Variants in OR2M3 observed in about 807,000 individuals in gnomAD.
The protein encoded by OR2M3 is olfactory receptor 2M3.
OR2M3 carries 1 observed loss-of-function variant against 4.3 expected under a neutral mutation model. The ratio of observed to expected loss-of-function variants is 0.23; its 90% CI spans 0.08 to 1.11. The LOEUF is 1.11. Ranked by LOEUF, OR2M3 falls within the 50% of genes most tolerant of loss-of-function variation. The pLI, the probability that OR2M3 is intolerant of heterozygous loss-of-function variation, is 0.54. For missense variants in OR2M3, 410 were observed against 390.4 expected, an observed-to-expected ratio of 1.05 and a Z score of -0.42; for synonymous variants, 151 against 139.4, an observed-to-expected ratio of 1.08 and a Z score of -0.59.
intron 1 of OR2M3, among the ~76,000 whole-genome samples, chr1:248,197,582 A>G (rs551786576): frequency 6.6e-6 from 1 of 152,274 alleles, no homozygotes; most frequent in East Asian, 1.9e-4. Flanking sequence ...TCCAGATTTG[A>G]AAAAGAAATT....
rs1283367581 is a variant in OR2M3, at chr1:248,203,063, A to T, written c.-5A>T. On this transcript the variant is annotated 5_prime_UTR_variant, in exon 2 of 2. Coordinates refer to ENST00000641626, the MANE Select transcript of OR2M3 (RefSeq NM_001004689.2). ...TTGTGGTACTAGGTAAAAAGCATACACATCATGGCAAGGGAGAATTCGACC... is the reference window on the plus strand; with the variant it reads ...TTGTGGTACTAGGTAAAAAGCATACTCATCATGGCAAGGGAGAATTCGACC... 6.2e-7 allele frequency: 1 copy of T among 1,607,864 alleles called. No homozygotes were observed.
intron 1 of OR2M3, among the ~76,000 whole-genome samples, chr1:248,202,393 T>C (rs1666167735): frequency 6.6e-6 from 1 of 152,176 alleles, no homozygotes; most frequent in Non-Finnish European, 1.5e-5. Flanking sequence ...GTTACACTCT[T>C]TATGTATTTC....
chr1:248,197,808 C>T (rs962117946), intron 1 of OR2M3, among the ~76,000 whole-genome samples: 1 of 152,128 alleles, frequency 6.6e-6, no homozygotes. Context: ...GGTTCACAAA[C>T]TTTCTCCCAT....
rs945414722 is a variant in OR2M3 at position 248,204,667 on chromosome 1, C to T, written c.*661C>T. The stretch of plus-strand genomic sequence containing the variant: ...TACACACACACATATATATATATAA[C>T]CTTTTCTTTATCCACTCGTTGATTG... On this transcript the variant is annotated 3_prime_UTR_variant, in exon 2 of 2. Transcript: ENST00000641626. 4 of 149,696 alleles carry T rather than the reference C, an allele frequency of 2.7e-5. No individual in the cohort carries two copies. Among genetic ancestry groups the T allele is most frequent in the African/African-American group, 9.9e-5 (4 of 40,236 alleles). 9.3% of individuals were successfully genotyped at this position (149,696 alleles called of 1,614,324 possible). A position where few individuals can be genotyped will look rare whatever the true frequency, so the allele number is the denominator to read the frequency against.
chr1:248,202,110 G>T (rs1012812519), intron 1 of OR2M3, among the ~76,000 whole-genome samples: 1 of 152,130 alleles, frequency 6.6e-6, no homozygotes, highest in African/African-American at 2.4e-5. Context: ...AGTTTTGGAG[G>T]CTAGAAATCT....
In OR2M3 at chr1:248,204,611, A is replaced by G. The variant is rs1666204539; in HGVS notation, c.*605A>G. On this transcript the variant is annotated 3_prime_UTR_variant, in exon 2 of 2. Transcript: ENST00000641626. ...GAGTAGTATTCCATGGTATGTGTGT[A>G]TATAGATATATATATATATACGTAT... 6.6e-6 allele frequency: 1 copy of G among 150,830 alleles called. No individual in the cohort carries two copies. Among genetic ancestry groups the G allele is most frequent in the African/African-American group, 2.5e-5 (1 of 40,248 alleles). 9.3% of individuals were successfully genotyped at this position (150,830 alleles called of 1,614,324 possible).
chr1:248,197,834 A>C (rs991497024), intron 1 of OR2M3, among the ~76,000 whole-genome samples: 17 of 152,146 alleles, frequency 1.1e-4, no homozygotes, highest in African/African-American at 4.1e-4. Flanking sequence ...AAATTGTTTT[A>C]AAATACTGCA....
intron 1 of OR2M3, among the ~76,000 whole-genome samples, chr1:248,198,380 C>G (rs1185529502): frequency 6.6e-6 from 1 of 152,134 alleles, no homozygotes; most frequent in African/African-American, 2.4e-5. Context: ...AATGCTACTT[C>G]TTGTAGTTAT....
intron 1 of OR2M3, among the ~76,000 whole-genome samples, chr1:248,201,928 G>C (rs1009561921): frequency 6.6e-6 from 1 of 152,104 alleles, no homozygotes. Flanking sequence ...TGGTCAACAC[G>C]TAGCCAGGCT....
Position 248,203,967 on chromosome 1 carries a change from A to G in OR2M3, c.900A>G (p.Ala300=), listed in dbSNP as rs767375673. The G allele has an allele frequency of 6.2e-7, 1 of 1,613,954 alleles. No homozygotes were observed. The highest frequency in any genetic ancestry group is 8.5e-7 in the Non-Finnish European group (1 of 1,179,912). Residue 300 remains alanine (A), a synonymous_variant, in exon 2 of 2, where the codon GCA becomes GCG. Transcript: ENST00000641626. The stretch of plus-strand genomic sequence containing the variant: ...TCCGCAACAAGGAGGTGACCAGAGC[A>G]TTCATGAAGATCTTAGGAAAGGGCA... ...YSLRNKEVTR[A]FMKILGKGKS...
Position 248,207,909 on chromosome 1 carries a change from G to A in OR2M3, c.*3903G>A, listed in dbSNP as rs1666240469. 6.6e-6 allele frequency: 1 copy of A among 151,906 alleles called. No individual in the cohort carries two copies. Among genetic ancestry groups the A allele is most frequent in the Non-Finnish European group, 1.5e-5 (1 of 67,942 alleles). 9.4% of individuals were successfully genotyped at this position (151,906 alleles called of 1,614,324 possible). A position where few individuals can be genotyped will look rare whatever the true frequency, so the allele number is the denominator to read the frequency against. ...TGTCTAGTGCTCTCAGTGGAGTATT[G>A]AAGTCCCCCACTATTATTGCATTGT... is the stretch of plus-strand genomic sequence containing the variant. On this transcript the variant is annotated 3_prime_UTR_variant, in exon 2 of 2. Coordinates refer to ENST00000641626, the MANE Select transcript of OR2M3 (RefSeq NM_001004689.2).
chr1:248,198,929 G>A (rs1666127007), intron 1 of OR2M3, among the ~76,000 whole-genome samples: 2 of 150,396 alleles, frequency 1.3e-5, no homozygotes, highest in Admixed American at 6.6e-5. Flanking sequence ...CCCTGGGTAT[G>A]TGCAAATGTC....
chr1:248,198,571 T>G (rs932801893), intron 1 of OR2M3, among the ~76,000 whole-genome samples: 5 of 152,178 alleles, frequency 3.3e-5, no homozygotes, highest in African/African-American at 9.7e-5. Flanking sequence ...GGATTACACA[T>G]GCTGTCTGAT....
At chr1:248,199,355 A>G (rs1307748469) in intron 1 of OR2M3, among the ~76,000 whole-genome samples, 1 of 152,114 alleles carries the variant, frequency 6.6e-6, no homozygotes, top group African/African-American at 2.4e-5. Context: ...TCCTCTTAAT[A>G]CAGTGCTGCA....
rs1185420478 is a variant in OR2M3 at position 248,210,266 on chromosome 1, CCT to C, written c.*6265_*6266del. ...CTGAGAATTTGCCCCAGACCATGAGCCTCTCTGTTGAGAAAGCAAACAGACTC... is the reference window on the plus strand; with the variant it reads ...CTGAGAATTTGCCCCAGACCATGAGCCTCTGTTGAGAAAGCAAACAGACTC... On this transcript the variant is annotated 3_prime_UTR_variant, in exon 2 of 2. Coordinates refer to ENST00000641626, the MANE Select transcript of OR2M3 (RefSeq NM_001004689.2). 1 of 152,314 alleles carries C rather than the reference CCT, an allele frequency of 6.6e-6. No individual in the cohort carries two copies. The highest frequency in any genetic ancestry group is 1.5e-5 in the Non-Finnish European group (1 of 68,178). The allele number at this position is 152,314 out of a possible 1,614,324, so 9.4% of individuals were successfully genotyped here.
In OR2M3 at chr1:248,206,850, C is replaced by T; in HGVS notation, c.*2844C>T. On this transcript the variant is annotated 3_prime_UTR_variant, in exon 2 of 2. Transcript: ENST00000641626. ...CCACAGAATGATTTACAAAGGATTC[C>T]CTCTTTATCCTTTGGAATAGTGTCA... 6.6e-6 allele frequency: 1 copy of T among 151,850 alleles called. No homozygotes were observed. Among genetic ancestry groups the T allele is most frequent in the East Asian group, 1.9e-4 (1 of 5,190 alleles). 9.4% of individuals were successfully genotyped at this position (151,850 alleles called of 1,614,324 possible). A position where few individuals can be genotyped will look rare whatever the true frequency, so the allele number is the denominator to read the frequency against.
intron 1 of OR2M3, among the ~76,000 whole-genome samples, chr1:248,202,765 T>A (rs966130969): frequency 1.2e-4 from 18 of 148,188 alleles, no homozygotes; most frequent in African/African-American, 2.0e-4. Flanking sequence ...TTGGAGACTT[T>A]AAAAAAAAAA....
rs1043065866 is a variant in OR2M3, at chr1:248,205,287, T to G, written c.*1281T>G. On this transcript the variant is annotated 3_prime_UTR_variant, in exon 2 of 2. Transcript: ENST00000641626. ...GTTCCTTTTGCAGTGCAAAAGGTCT[T>G]TAGTTTAATTAGTTCCCAGCTATTT... The G allele has an allele frequency of 1.3e-5, 2 of 152,130 alleles. No homozygotes were observed. The highest frequency in any genetic ancestry group is 1.3e-4 in the Admixed American group (2 of 15,256). The allele number at this position is 152,130 out of a possible 1,614,324, so 9.4% of individuals were successfully genotyped here. A position where few individuals can be genotyped will look rare whatever the true frequency, so the allele number is the denominator to read the frequency against.
In OR2M3 at chr1:248,205,701, A is replaced by T. The variant is rs1028863265; in HGVS notation, c.*1695A>T. On this transcript the variant is annotated 3_prime_UTR_variant, in exon 2 of 2. Transcript: ENST00000641626. ...GCTGTTTTGGTGACTATGGCTTTAT[A>T]GTATAATTTGAAGTTGGGTATGTGG... 4 of 152,040 alleles carry T rather than the reference A, an allele frequency of 2.6e-5. No individual in the cohort carries two copies. The highest frequency in any genetic ancestry group is 9.7e-5 in the African/African-American group (4 of 41,392). The allele number at this position is 152,040 out of a possible 1,614,324, so 9.4% of individuals were successfully genotyped here.
Sources: allele counts gnomAD v4.1 joint callset (sites outside exome capture counted in the v4.1 genomes callset), GRCh38; gene constraint gnomAD v4.1.1; transcripts MANE v1.5; gene names NCBI Gene and HGNC (gene_info 2026-07-23, HGNC 2026-07-21).